GRM7: variants seen among roughly 807,000 people sequenced by gnomAD.
The protein encoded by GRM7 is metabotropic glutamate receptor 7.
GRM7 carries 35 observed loss-of-function variants against 84.5 expected under a neutral mutation model. The observed-to-expected ratio is 0.41, with a 90% CI of 0.32 to 0.55. The LOEUF is 0.55. Ranked by LOEUF, GRM7 falls within the 20% of genes least tolerant of loss-of-function variation. GRM7 has a pLI of 0.19. For missense variants in GRM7, 1,003 were observed against 1,194.6 expected (o/e 0.84, Z 2.36); for synonymous variants, 487 against 455.1 (o/e 1.07, Z -0.89).
intron 1 of GRM7, among the ~76,000 whole-genome samples, chr3:6,878,709 G>A (rs1042333362): frequency 3.3e-5 from 5 of 152,124 alleles, no homozygotes; most frequent in African/African-American, 1.2e-4. Context: ...GCAAGTTCCA[G>A]GGCCCCTTCT....
intron 1 of GRM7, among the ~76,000 whole-genome samples, chr3:7,112,084 A>T (rs1324264703): frequency 6.6e-6 from 1 of 152,178 alleles, no homozygotes; most frequent in Non-Finnish European, 1.5e-5. Flanking sequence ...TTAACACTGC[A>T]TGTGGCAAAG....
chr3:6,877,090 G>C (rs187924329), intron 1 of GRM7, among the ~76,000 whole-genome samples: 8 of 152,186 alleles, frequency 5.3e-5, no homozygotes, highest in African/African-American at 1.7e-4. Flanking sequence ...GCTGTTTTAT[G>C]ACATTAATAA....
chr3:7,685,462 G>T (rs1253795076), intron 9 of GRM7, among the ~76,000 whole-genome samples: 1 of 152,020 alleles, frequency 6.6e-6, no homozygotes, highest in African/African-American at 2.4e-5. Context: ...TGGCAGGCGG[G>T]TGGACAGCGA....
At chr3:7,125,756 T>C (rs1286569850) in intron 1 of GRM7, among the ~76,000 whole-genome samples, 1 of 152,218 alleles carries the variant, frequency 6.6e-6, no homozygotes, top group East Asian at 1.9e-4. Context: ...ATTAGAGACT[T>C]GTTGGCAGTA....
At chr3:7,079,811 T>C (rs1203839402) in intron 1 of GRM7, among the ~76,000 whole-genome samples, 2 of 152,166 alleles carry the variant, frequency 1.3e-5, no homozygotes, top group African/African-American at 2.4e-5. Context: ...ATGGTTTTGA[T>C]AACTGCACAC....
chr3:7,639,661 C>T (rs1166807997), intron 8 of GRM7, among the ~76,000 whole-genome samples: 3 of 151,928 alleles, frequency 2.0e-5, no homozygotes, highest in Non-Finnish European at 2.9e-5. Flanking sequence ...GCTACATAAG[C>T]AGCATCACTA....
intron 4 of GRM7, among the ~76,000 whole-genome samples, chr3:7,374,449 G>T (rs1167007089): frequency 1.3e-5 from 2 of 151,688 alleles, no homozygotes; most frequent in African/African-American, 4.8e-5. Context: ...AGAGCACTGG[G>T]ATTACAGATG....
chr3:7,241,749 G>T (rs1433166030), intron 2 of GRM7, among the ~76,000 whole-genome samples: 1 of 152,102 alleles, frequency 6.6e-6, no homozygotes, highest in African/African-American at 2.4e-5. Context: ...CTTCAGGTTT[G>T]CCAGCAAAGT....
In GRM7 at chr3:7,300,580, C is replaced by G. The variant is rs146644237; in HGVS notation, c.878+1755C>G. On this transcript the variant is annotated intron_variant, in intron 3 of 9. Transcript: ENST00000357716. ...TTCACCTTTCTAGTCTTATTCTATT[C>G]CAAATTCCCTCATGATTTGCTACTG... Among the ~76,000 whole-genome samples, 707 of 152,130 alleles carry G rather than the reference C, an allele frequency of 4.6e-3. 5 individuals are homozygous for G. The highest frequency in any genetic ancestry group is 0.016 in the African/African-American group (682 of 41,496).
At chr3:7,671,708 G>A (rs1699926008) in intron 8 of GRM7, among the ~76,000 whole-genome samples, 1 of 151,600 alleles carries the variant, frequency 6.6e-6, no homozygotes, top group Non-Finnish European at 1.5e-5. Context: ...TCAAAGTTAA[G>A]AGATCTAAGT....
At chr3:6,888,538 C>A (rs1353094283) in intron 1 of GRM7, among the ~76,000 whole-genome samples, 1 of 151,944 alleles carries the variant, frequency 6.6e-6, no homozygotes, top group African/African-American at 2.4e-5. Flanking sequence ...GATCAGATAG[C>A]TATAGATATG....
chr3:7,720,922 C>T (rs1383504643), intron 9 of GRM7, among the ~76,000 whole-genome samples: 2 of 152,152 alleles, frequency 1.3e-5, no homozygotes, highest in East Asian at 1.9e-4. Context: ...TGGATGTGTT[C>T]CTTAACCTCT....
chr3:7,148,632 C>T lies in GRM7; in HGVS notation c.736+1964C>T, dbSNP rs191650746. Reference sequence around the variant, plus strand: ...TCACATGGTTGTTTATTCCTGGTGTCATTTGATGGAAACTTAAAACATTAA... The same window carrying T: ...TCACATGGTTGTTTATTCCTGGTGTTATTTGATGGAAACTTAAAACATTAA... On this transcript the variant is annotated intron_variant, in intron 2 of 9. Transcript: ENST00000357716. Among the ~76,000 whole-genome samples, 37 of 152,244 alleles carry T rather than the reference C, an allele frequency of 2.4e-4. No individual in the cohort carries two copies. In the South Asian group the frequency reaches 4.8e-3, roughly 20 times the overall value.
chr3:7,709,342 A>G (rs1575657845), intron 9 of GRM7, among the ~76,000 whole-genome samples: 2 of 152,126 alleles, frequency 1.3e-5, no homozygotes, highest in Non-Finnish European at 2.9e-5. Context: ...ATAGTTTGGA[A>G]CAGAGAGTTT....
At chr3:7,211,310 A>G (rs1302952570) in intron 2 of GRM7, among the ~76,000 whole-genome samples, 1 of 152,074 alleles carries the variant, frequency 6.6e-6, no homozygotes, top group Admixed American at 6.6e-5. Flanking sequence ...ATTTGTAGAA[A>G]CTCCTCTTGG....
chr3:6,875,516 C>T (rs186857669), intron 1 of GRM7, among the ~76,000 whole-genome samples: 160 of 152,282 alleles, frequency 1.1e-3, no homozygotes, highest in East Asian at 1.7e-3. Context: ...GCTCTTCATT[C>T]GCCTTCTGCC....
chr3:6,972,365 T>C (rs556928521), intron 1 of GRM7, among the ~76,000 whole-genome samples: 1 of 152,296 alleles, frequency 6.6e-6, no homozygotes, highest in Admixed American at 6.5e-5. Context: ...ATTGTCCGTG[T>C]TTCTTCGTCT....
At chr3:7,365,672 C>G (rs368639860) in intron 4 of GRM7, among the ~76,000 whole-genome samples, 2 of 139,578 alleles carry the variant, frequency 1.4e-5, no homozygotes, top group Admixed American at 7.2e-5. Flanking sequence ...TATACACACA[C>G]GCACACACAC....
chr3:7,250,898 G>C (rs1489003228), intron 2 of GRM7, among the ~76,000 whole-genome samples: 2 of 152,164 alleles, frequency 1.3e-5, no homozygotes, highest in African/African-American at 4.8e-5. Flanking sequence ...TTGAAAAGTT[G>C]AGAGTAGATC....
Sources: gnomAD v4.1 joint callset for allele counts (sites outside exome capture counted in the v4.1 genomes callset) on GRCh38, gnomAD v4.1.1 for gene constraint, MANE v1.5 for transcripts, NCBI Gene and HGNC (gene_info 2026-07-23, HGNC 2026-07-21) for gene names.